The following PTPRD variants were observed in gnomAD, a reference collection of about 807,000 sequenced individuals.
The protein encoded by PTPRD is receptor-type tyrosine-protein phosphatase delta.
In PTPRD, 34 loss-of-function variants were observed where a neutral mutation model predicts 214.5. The ratio of observed to expected loss-of-function variants is 0.16; its 90% CI spans 0.12 to 0.21. PTPRD has a LOEUF of 0.21. Among genes scored for constraint, PTPRD ranks in the 10% least tolerant of loss-of-function variants. The pLI is 1.00. For synonymous variants in PTPRD, 1,128 were observed against 845.7 expected, an observed-to-expected ratio of 1.33 and a Z score of -5.79; for missense variants, 2,545 against 2,398.7, an observed-to-expected ratio of 1.06 and a Z score of -1.27.
chr9:8,649,674 T>C (rs2096766391), intron 12 of PTPRD, among the ~76,000 whole-genome samples: 1 of 152,228 alleles, frequency 6.6e-6, no homozygotes, highest in African/African-American at 2.4e-5. Flanking sequence ...AACAAAAATG[T>C]TTCATGTAGC....
At chr9:10,389,245 G>A (rs1383668630) in intron 2 of PTPRD, among the ~76,000 whole-genome samples, 20 of 151,906 alleles carry the variant, frequency 1.3e-4, no homozygotes, top group Middle Eastern at 3.4e-3. Context: ...ACAATGAAAG[G>A]TTTACAAATA....
chr9:9,868,639 G>A (rs948832853), intron 5 of PTPRD, among the ~76,000 whole-genome samples: 3 of 151,824 alleles, frequency 2.0e-5, no homozygotes, highest in African/African-American at 7.3e-5. Flanking sequence ...ACCCTAACGT[G>A]CAGTGTAACA....
At chr9:8,888,732 TC>T (rs2098512302) in intron 11 of PTPRD, among the ~76,000 whole-genome samples, 1 of 152,128 alleles carries the variant, frequency 6.6e-6, no homozygotes, top group Non-Finnish European at 1.5e-5. Context: ...TGAAGATGTT[TC>T]TCCTGGGAAC....
intron 3 of PTPRD, among the ~76,000 whole-genome samples, chr9:10,293,044 A>C (rs955403310): frequency 6.6e-6 from 1 of 151,976 alleles, no homozygotes; most frequent in Non-Finnish European, 1.5e-5. Context: ...TAAAGCAAAG[A>C]ATAGGAACAC....
chr9:9,762,844 G>T, intron 6 of PTPRD, among the ~76,000 whole-genome samples: 1 of 152,162 alleles, frequency 6.6e-6, no homozygotes, highest in East Asian at 1.9e-4. Flanking sequence ...CAGCTGGGTT[G>T]CCATAGCAAG....
At chr9:9,488,924 T>C (rs1291950803) in intron 8 of PTPRD, among the ~76,000 whole-genome samples, 1 of 152,052 alleles carries the variant, frequency 6.6e-6, no homozygotes, top group East Asian at 1.9e-4. Context: ...TATGGGATCT[T>C]TGCTTGGATT....
At chr9:10,183,938 A>G (rs1360006451) in intron 3 of PTPRD, among the ~76,000 whole-genome samples, 2 of 152,208 alleles carry the variant, frequency 1.3e-5, no homozygotes, top group African/African-American at 2.4e-5. Context: ...TTTTCCCCTC[A>G]CATACAATAA....
chr9:8,641,136 C>T (rs1332280449), intron 12 of PTPRD, among the ~76,000 whole-genome samples: 2 of 148,130 alleles, frequency 1.4e-5, no homozygotes, highest in Admixed American at 1.3e-4. Context: ...TAGATATTGT[C>T]CAAATTTAAG....
rs2099782433 is a variant in PTPRD at position 9,095,664 on chromosome 9, T to C, written c.-142-76929A>G. On this transcript the variant is annotated intron_variant, in intron 10 of 45. Coordinates refer to ENST00000381196, the MANE Select transcript of PTPRD (RefSeq NM_002839.4). The stretch of plus-strand genomic sequence containing the variant: ...TAATACACTCATGTAGGAATGTAGA[T>C]TGGGAGAACCATTATGGAAAACAGT... Among the ~76,000 whole-genome samples, 5 of 152,098 alleles carry C rather than the reference T, an allele frequency of 3.3e-5. 1 individual carries two copies. Among genetic ancestry groups the C allele is most frequent in the Admixed American group, 3.3e-4 (5 of 15,270 alleles).
intron 7 of PTPRD, among the ~76,000 whole-genome samples, chr9:9,725,285 T>A (rs1398274611): frequency 6.7e-6 from 1 of 148,812 alleles, no homozygotes; most frequent in Non-Finnish European, 1.5e-5. Context: ...GATCTGACGG[T>A]ATTAAAAATG....
chr9:9,769,137 AG>A (rs1461543580), intron 5 of PTPRD, among the ~76,000 whole-genome samples: 1 of 152,024 alleles, frequency 6.6e-6, no homozygotes, highest in Non-Finnish European at 1.5e-5. Flanking sequence ...AATAACAACA[AG>A]GAAAGAAGAA....
chr9:9,959,338 A>G (rs1173666629), intron 4 of PTPRD, among the ~76,000 whole-genome samples: 1 of 152,136 alleles, frequency 6.6e-6, no homozygotes, highest in African/African-American at 2.4e-5. Context: ...GAGCCTCGAG[A>G]GGAAGGAAGA....
chr9:9,251,887 T>A (rs2099975619), intron 9 of PTPRD, among the ~76,000 whole-genome samples: 1 of 152,126 alleles, frequency 6.6e-6, no homozygotes, highest in Non-Finnish European at 1.5e-5. Flanking sequence ...GCCACCTTGA[T>A]GCTATCCCTT....
intron 2 of PTPRD, among the ~76,000 whole-genome samples, chr9:10,511,893 CATATATAT>C (rs1465570387): frequency 2.9e-4 from 38 of 130,702 alleles, no homozygotes; most frequent in Admixed American, 8.4e-4. Flanking sequence ...TACACACACA[CATATATAT>C]ACATATATAT....
At chr9:9,641,626 G>T (rs560968478) in intron 7 of PTPRD, among the ~76,000 whole-genome samples, 1 of 152,166 alleles carries the variant, frequency 6.6e-6, no homozygotes, top group African/African-American at 2.4e-5. Context: ...TGGGATGTAA[G>T]AAAAGCCCAC....
chr9:10,028,419 G>C (rs148426742), intron 4 of PTPRD, among the ~76,000 whole-genome samples: 3,062 of 152,244 alleles, frequency 0.02, 103 homozygotes, highest in African/African-American at 0.068. Context: ...CTGTGTAACA[G>C]GCAGAGGTTG....
At chr9:8,927,692 G>C (rs2098912080) in intron 11 of PTPRD, among the ~76,000 whole-genome samples, 1 of 152,156 alleles carries the variant, frequency 6.6e-6, no homozygotes, top group African/African-American at 2.4e-5. Context: ...CTTTATAGCA[G>C]AATGATTTAT....
chr9:10,005,118 T>C (rs1430735174), intron 4 of PTPRD, among the ~76,000 whole-genome samples: 1 of 152,122 alleles, frequency 6.6e-6, no homozygotes, highest in African/African-American at 2.4e-5. Flanking sequence ...TTGTCTTTTA[T>C]TTTTCAGCCC....
intron 4 of PTPRD, among the ~76,000 whole-genome samples, chr9:9,940,554 A>G (rs4336661): frequency 0.57 from 85,909 of 152,016 alleles, 27,246 homozygotes; most frequent in East Asian, 0.91. Flanking sequence ...ATAAATCTTG[A>G]TATCATTATC....
Sources: gnomAD v4.1 joint callset for allele counts (sites outside exome capture counted in the v4.1 genomes callset) on GRCh38, gnomAD v4.1.1 for gene constraint, MANE v1.5 for transcripts, NCBI Gene and HGNC (gene_info 2026-07-23, HGNC 2026-07-21) for gene names.